CNTN1: variants seen among roughly 807,000 people sequenced by gnomAD.
The protein encoded by CNTN1 is contactin-1.
A neutral mutation model predicts 126.4 loss-of-function variants in CNTN1; 38 were observed. The observed-to-expected ratio is 0.30, with a 90% CI of 0.23 to 0.39. The LOEUF (loss-of-function observed/expected upper bound fraction) is 0.39, where lower values mean the gene tolerates loss of function less well. Ranked by LOEUF, CNTN1 falls within the 10% of genes least tolerant of loss-of-function variation. The pLI, the probability that CNTN1 is intolerant of heterozygous loss-of-function variation, is 1.00. For missense variants in CNTN1, 1,009 were observed against 1,248.4 expected (o/e 0.81, Z 2.89); for synonymous variants, 413 against 422.6 (o/e 0.98, Z 0.28).
intron 1 of CNTN1, among the ~76,000 whole-genome samples, chr12:40,818,978 C>T (rs993847765): frequency 2.0e-5 from 3 of 152,060 alleles, no homozygotes; most frequent in African/African-American, 7.2e-5. Flanking sequence ...TCGCTTCAGG[C>T]CTTATTCATC....
At position 40,700,546 on chromosome 12, in the gene CNTN1, A is replaced by T. The variant is rs74624822; in HGVS notation, c.-77+7954A>T. On this transcript the variant is annotated intron_variant, in intron 1 of 23. Coordinates refer to ENST00000551295, the MANE Select transcript of CNTN1 (RefSeq NM_001843.4). ...GTCTCAAAATAAAAAAAAAAATAAA[A>T]AATAAACTGGATTTTCTTTGTTTAG... Among the ~76,000 whole-genome samples the T allele has an allele frequency of 5.0e-3, 756 of 152,226 alleles. 7 individuals are homozygous for T. Among genetic ancestry groups the T allele is most frequent in the African/African-American group, 0.018 (731 of 41,528 alleles).
At chr12:40,862,797 C>T (rs898876881) in intron 1 of CNTN1, among the ~76,000 whole-genome samples, 1 of 152,156 alleles carries the variant, frequency 6.6e-6, no homozygotes, top group Non-Finnish European at 1.5e-5. Flanking sequence ...TGCCTTAATA[C>T]CAAGCTACAT....
chr12:40,732,892 A>AT (rs964185905), intron 1 of CNTN1, among the ~76,000 whole-genome samples: 9 of 152,078 alleles, frequency 5.9e-5, no homozygotes, highest in African/African-American at 1.9e-4. Flanking sequence ...TGAAGCAGGC[A>AT]TTTTTTATTA....
chr12:40,738,352 T>C (rs1937785365), intron 1 of CNTN1, among the ~76,000 whole-genome samples: 1 of 152,030 alleles, frequency 6.6e-6, no homozygotes, highest in South Asian at 2.1e-4. Context: ...TTTTACTTCA[T>C]ACTAATAAAA....
At chr12:40,953,235 A>G (rs1946751507) in intron 14 of CNTN1, among the ~76,000 whole-genome samples, 1 of 152,198 alleles carries the variant, frequency 6.6e-6, no homozygotes, top group Admixed American at 6.5e-5. Context: ...GAGCTTTGCT[A>G]TCACAATTTC....
At position 40,944,096 on chromosome 12, in the gene CNTN1, A is replaced by G. The variant is rs952518091; in HGVS notation, c.1609A>G (p.Thr537Ala). 6.2e-7 allele frequency: 1 copy of G among 1,613,568 alleles called. No individual in the cohort carries two copies. The highest frequency in any genetic ancestry group is 2.2e-5 in the East Asian group (1 of 44,856). The change falls in exon 14 of 24, where the codon ACA becomes GCA. Residue 537 changes from threonine (T) to alanine (A), a missense_variant. By Grantham distance (58) the Thr-to-Ala change is moderately conservative (BLOSUM62 0). Transcript: ENST00000551295. ...AASFDPALDL[T>A]FVWSFNGYVI... ...GTCCTTTGATCCTGCCTTGGATCTC[A>G]CATTTGTTTGGTCCTTCAATGGCTA...
At chr12:40,926,014 G>A (rs1421083001) in intron 6 of CNTN1, among the ~76,000 whole-genome samples, 4 of 151,478 alleles carry the variant, frequency 2.6e-5, no homozygotes, top group Non-Finnish European at 5.9e-5. Flanking sequence ...TCTCTTATGA[G>A]TATTTGTTAT....
intron 18 of CNTN1, among the ~76,000 whole-genome samples, chr12:41,016,471 G>A (rs1449115754): frequency 1.3e-5 from 2 of 152,158 alleles, no homozygotes; most frequent in Non-Finnish European, 2.9e-5. Flanking sequence ...GGCCCCTGAG[G>A]TGTTCTAGGA....
intron 1 of CNTN1, among the ~76,000 whole-genome samples, chr12:40,875,569 T>G (rs1943640317): frequency 6.6e-6 from 1 of 152,146 alleles, no homozygotes; most frequent in Admixed American, 6.6e-5. Context: ...TATTATAGGA[T>G]TCTATTACAC....
Position 41,003,492 on chromosome 12 carries a change from A to G in CNTN1, c.2113+10223A>G, listed in dbSNP as rs1435621421. On this transcript the variant is annotated intron_variant, in intron 17 of 23. Coordinates refer to ENST00000551295, the MANE Select transcript of CNTN1 (RefSeq NM_001843.4). ...GTTAAGGTGGAGTCCCTCCTCCTCA[A>G]TTTTTCGGAATAGTTTCAGCAGGAA... Among the ~76,000 whole-genome samples, 5 of 151,228 alleles carry G rather than the reference A, an allele frequency of 3.3e-5. No homozygotes were observed. In the East Asian group the frequency reaches 9.7e-4, roughly 29 times the overall value.
At chr12:40,888,326 A>G (rs1179533122) in intron 1 of CNTN1, among the ~76,000 whole-genome samples, 2 of 152,150 alleles carry the variant, frequency 1.3e-5, no homozygotes, top group Non-Finnish European at 2.9e-5. Context: ...TTATACGTGT[A>G]CTTTATATAT....
At position 41,029,167 on chromosome 12, in the gene CNTN1, TCG is replaced by T; in HGVS notation, c.2934_2935del (p.His979GlnfsTer2). ...GAGATGGAGAATACGTTGTGGAGGT[TCG>T]CGCGCACAGTGATGGAGGAGATGGA... ...PRDGEYVVEV[R>X]AHSDGGDGVV... On this transcript the variant is annotated frameshift_variant, in exon 23 of 24. Transcript: ENST00000551295. LOFTEE classifies it high-confidence loss of function. 1 of 1,614,114 alleles carries T rather than the reference TCG, an allele frequency of 6.2e-7. No individual in the cohort carries two copies. The highest frequency in any genetic ancestry group is 8.5e-7 in the Non-Finnish European group (1 of 1,180,004).
intron 11 of CNTN1, 23 bp downstream of exon 11, chr12:40,937,710 G>T: frequency 1.6e-6 from 2 of 1,268,178 alleles, no homozygotes; most frequent in East Asian, 4.6e-5. Flanking sequence ...TCTAATTTCT[G>T]TTAAACATTG....
Position 40,947,214 on chromosome 12 carries a change from C to T in CNTN1, c.1683+3044C>T, listed in dbSNP as rs139867590. Among the ~76,000 whole-genome samples the T allele has an allele frequency of 2.4e-3, 369 of 151,984 alleles. 1 individual carries two copies. Among genetic ancestry groups the T allele is most frequent in the African/African-American group, 8.6e-3 (356 of 41,492 alleles). On this transcript the variant is annotated intron_variant, in intron 14 of 23. Transcript: ENST00000551295. The stretch of plus-strand genomic sequence containing the variant: ...AAGGAGTTAAACATCTAAAAATTTC[C>T]TGAGTATTATATTAATATGTAATAA...
At chr12:40,787,439 G>A (rs1940067351) in intron 1 of CNTN1, among the ~76,000 whole-genome samples, 1 of 152,170 alleles carries the variant, frequency 6.6e-6, no homozygotes, top group Non-Finnish European at 1.5e-5. Context: ...GGCAGACTCT[G>A]CTTTTTGTTA....
intron 23 of CNTN1, among the ~76,000 whole-genome samples, chr12:41,056,979 A>G (rs1949825320): frequency 9.5e-6 from 1 of 105,600 alleles, no homozygotes; most frequent in Non-Finnish European, 1.8e-5. Context: ...ATAAATATTT[A>G]GATATTTATA....
At chr12:40,944,570 T>G (rs1946372166) in intron 14 of CNTN1, among the ~76,000 whole-genome samples, 1 of 151,966 alleles carries the variant, frequency 6.6e-6, no homozygotes, top group South Asian at 2.1e-4. Flanking sequence ...GCTTTAAGAG[T>G]AAGAAAGAGA....
At chr12:40,769,760 A>G (rs1265589764) in intron 1 of CNTN1, among the ~76,000 whole-genome samples, 5 of 152,130 alleles carry the variant, frequency 3.3e-5, no homozygotes, top group African/African-American at 1.2e-4. Context: ...CACCTGAGGC[A>G]AGTGCCTTAT....
At chr12:40,971,608 C>T (rs1174148320) in intron 15 of CNTN1, 1 of 1,518,466 alleles carries the variant, frequency 6.6e-7, no homozygotes, top group East Asian at 2.5e-5. Flanking sequence ...TGCAGTTCTC[C>T]CCACCCCCAA....
Sources: gnomAD v4.1 joint callset for allele counts (sites outside exome capture counted in the v4.1 genomes callset) on GRCh38, gnomAD v4.1.1 for gene constraint, MANE v1.5 for transcripts, NCBI Gene and HGNC (gene_info 2026-07-23, HGNC 2026-07-21) for gene names.